The following CLASP2 variants were observed in gnomAD, a reference collection of about 807,000 sequenced individuals.
CLASP2 encodes the protein CLIP-associating protein 2.
A neutral mutation model predicts 194.4 loss-of-function variants in CLASP2; 47 were observed. That is an observed-to-expected ratio of 0.24 (90% CI 0.19 to 0.31). CLASP2 has a LOEUF of 0.31. Ranked by LOEUF, CLASP2 falls within the 10% of genes least tolerant of loss-of-function variation. CLASP2 has a pLI of 1.00. For synonymous variants in CLASP2, 619 were observed against 633.5 expected (o/e 0.98, Z 0.34); for missense variants, 1,445 against 1,823.6 (o/e 0.79, Z 3.78).
intron 29 of CLASP2, among the ~76,000 whole-genome samples, chr3:33,557,576 A>G (rs1306541289): frequency 2.6e-5 from 4 of 152,176 alleles, no homozygotes; most frequent in Non-Finnish European, 5.9e-5. Flanking sequence ...ACACCACTAC[A>G]GGTACCTATA....
intron 7 of CLASP2, 27 bp downstream of exon 7, chr3:33,663,404 TAAATAGTCTTAGAA>T (rs1371545948): frequency 6.6e-7 from 1 of 1,525,124 alleles, no homozygotes; most frequent in East Asian, 2.3e-5. Context: ...AAAACTTTGC[TAAATAGTCTTAGAA>T]ATGTTTGAGA....
chr3:33,648,305 G>A (rs1200660858), intron 7 of CLASP2, among the ~76,000 whole-genome samples: 1 of 152,024 alleles, frequency 6.6e-6, no homozygotes. Context: ...GGGAAAGACA[G>A]ACTAAAGGAA....
At chr3:33,541,627 A>G (rs1364615692) in intron 32 of CLASP2, among the ~76,000 whole-genome samples, 1 of 152,206 alleles carries the variant, frequency 6.6e-6, no homozygotes, top group African/African-American at 2.4e-5. Flanking sequence ...TAAGGATAAC[A>G]GTCTCCAGCT....
At chr3:33,701,790 A>C (rs1002628282) in intron 1 of CLASP2, among the ~76,000 whole-genome samples, 1 of 152,246 alleles carries the variant, frequency 6.6e-6, no homozygotes, top group Non-Finnish European at 1.5e-5. Context: ...CTCAACCTAT[A>C]CATCACATCA....
rs140649906 is a variant in CLASP2 at position 33,518,392 on chromosome 3, A to AT, written c.3788-1219dup. ...AACAAAATACCAGAGTTCCTCTTAA[A>AT]TTTTTTTATGATCAAATACACTATA... On this transcript the variant is annotated intron_variant, in intron 34 of 38. Coordinates refer to ENST00000682230, the MANE Select transcript of CLASP2 (RefSeq NM_001365631.1). Among the ~76,000 whole-genome samples the AT allele has an allele frequency of 8.5e-3, 1,291 of 152,294 alleles. 19 individuals carry two copies. Among genetic ancestry groups the AT allele is most frequent in the African/African-American group, 0.029 (1,201 of 41,568 alleles).
At chr3:33,545,463 C>G (rs2059009034) in intron 30 of CLASP2, among the ~76,000 whole-genome samples, 1 of 152,104 alleles carries the variant, frequency 6.6e-6, no homozygotes, top group Admixed American at 6.6e-5. Flanking sequence ...TCTGAACCCA[C>G]TCTATGAAAA....
intron 7 of CLASP2, among the ~76,000 whole-genome samples, chr3:33,660,572 A>G (rs892364193): frequency 6.6e-5 from 10 of 152,198 alleles, no homozygotes; most frequent in African/African-American, 2.4e-4. Flanking sequence ...TGTAAGATGT[A>G]TGATGTGTCA....
rs60196645 is a variant in CLASP2 at position 33,645,929 on chromosome 3, TACACACACACACACACAC to T, written c.716-1044_716-1027del. On this transcript the variant is annotated intron_variant, in intron 7 of 38. Coordinates refer to ENST00000682230, the MANE Select transcript of CLASP2 (RefSeq NM_001365631.1). ...TATGCAAATGAAACATCTCCCAGCA[TACACACACACACACACAC>T]ACACACACACACACACACACACACA... Among the ~76,000 whole-genome samples the T allele has an allele frequency of 7.4e-5, 10 of 135,200 alleles. No individual in the cohort carries two copies. The South Asian group carries it at 7.7e-4, about 10-fold the overall frequency. The allele number at this position is 135,200 out of a possible 152,430, so 88.7% of individuals were successfully genotyped here. A position where few individuals can be genotyped will look rare whatever the true frequency, so the allele number is the denominator to read the frequency against.
chr3:33,554,749 G>C (rs1383808606), intron 29 of CLASP2: 1 of 153,564 alleles, frequency 6.5e-6, no homozygotes. Flanking sequence ...CTCTTTATAA[G>C]TTTGCTGTAT....
chr3:33,584,941 C>T (rs1269379264), intron 21 of CLASP2, 21 bp from the exon 22 acceptor site: 3 of 1,566,994 alleles, frequency 1.9e-6, no homozygotes, highest in Non-Finnish European at 2.6e-6. Flanking sequence ...AACACATATA[C>T]AAATGTTAAC....
chr3:33,695,664 G>A (rs2091817316), intron 2 of CLASP2, among the ~76,000 whole-genome samples: 1 of 152,068 alleles, frequency 6.6e-6, no homozygotes, highest in Non-Finnish European at 1.5e-5. Flanking sequence ...CACTGGCCAG[G>A]CATGGTGGTT....
intron 34 of CLASP2, among the ~76,000 whole-genome samples, chr3:33,528,289 CTCAAAATAA>C (rs2055177765): frequency 6.6e-6 from 1 of 152,114 alleles, no homozygotes; most frequent in African/African-American, 2.4e-5. Context: ...AGGAACATAT[CTCAAAATAA>C]TAAGAGCCAT....
At chr3:33,645,159 AC>A in intron 7 of CLASP2, 1 of 731,220 alleles carries the variant, frequency 1.4e-6, no homozygotes, top group Non-Finnish European at 2.5e-6. Flanking sequence ...AAACATTTTA[AC>A]TCTAAAGGTA....
chr3:33,663,241 GACTC>G (rs1175845336), intron 7 of CLASP2, among the ~76,000 whole-genome samples, 200 bp downstream of exon 7: 1 of 145,856 alleles, frequency 6.9e-6, no homozygotes, highest in Non-Finnish European at 1.5e-5. Flanking sequence ...TTACACAACT[GACTC>G]ACTATTAAAT....
At chr3:33,715,843 TAAGTAAA>T (rs2093268419) in intron 1 of CLASP2, among the ~76,000 whole-genome samples, 1 of 109,788 alleles carries the variant, frequency 9.1e-6, no homozygotes, top group Admixed American at 1.1e-4. Context: ...TATTGTATCT[TAAGTAAA>T]AAAAAAAAAA....
intron 34 of CLASP2, among the ~76,000 whole-genome samples, chr3:33,520,652 T>A (rs1035021556): frequency 6.6e-6 from 1 of 152,152 alleles, no homozygotes; most frequent in African/African-American, 2.4e-5. Context: ...ACTGGTAGCA[T>A]ACAGAGGACT....
chr3:33,508,856 T>C (rs967174656), intron 37 of CLASP2, among the ~76,000 whole-genome samples: 3 of 152,226 alleles, frequency 2.0e-5, no homozygotes, highest in Non-Finnish European at 2.9e-5. Context: ...TAAAATTTGA[T>C]GTATTTTAAT....
In CLASP2 at chr3:33,498,221, C is replaced by T. The variant is rs1413870560; in HGVS notation, c.*410G>A. The stretch of plus-strand genomic sequence containing the variant: ...TCAAAGTAGCAATAAAAATATTATT[C>T]TGCAGTTGAATAAAAGCAAAAATGT... On this transcript the variant is annotated 3_prime_UTR_variant, in exon 39 of 39. Coordinates refer to ENST00000682230, the MANE Select transcript of CLASP2 (RefSeq NM_001365631.1). 1 of 154,734 alleles carries T rather than the reference C, an allele frequency of 6.5e-6. No homozygotes were observed. Among genetic ancestry groups the T allele is most frequent in the Non-Finnish European group, 1.4e-5 (1 of 69,698 alleles). The allele number at this position is 154,734 out of a possible 1,614,324, so 9.6% of individuals were successfully genotyped here.
chr3:33,630,558 T>TAAA (rs11387497), intron 9 of CLASP2, among the ~76,000 whole-genome samples: 2 of 150,562 alleles, frequency 1.3e-5, no homozygotes, highest in African/African-American at 4.9e-5. Flanking sequence ...TTAAAGAGCG[T>TAAA]AAAAAAAAAA....
Sources: gnomAD v4.1 joint callset for allele counts (sites outside exome capture counted in the v4.1 genomes callset) on GRCh38, gnomAD v4.1.1 for gene constraint, MANE v1.5 for transcripts, NCBI Gene and HGNC (gene_info 2026-07-23, HGNC 2026-07-21) for gene names.